Variants in HBM observed in about 807,000 individuals in gnomAD.
HBM encodes the protein alpha globin pseudogene 2.
In HBM, 9 loss-of-function variants were observed where a neutral mutation model predicts 12.8. That is an observed-to-expected ratio of 0.70 (90% CI 0.42 to 1.23). HBM has a LOEUF of 1.23. HBM is among the 50% of genes most tolerant of loss of function. The pLI, the probability that HBM is intolerant of heterozygous loss-of-function variation, is 0.00. For synonymous variants in HBM, 100 were observed against 92.0 expected (o/e 1.09, Z -0.50); for missense variants, 214 against 195.4 (o/e 1.10, Z -0.57).
rs1901914803 is a variant in HBM, at chr16:166,481, T to C, written c.297+9T>C. 1.3e-6 allele frequency: 2 copies of C among 1,554,336 alleles called. No individual in the cohort carries two copies. Among genetic ancestry groups the C allele is most frequent in the East Asian group, 4.8e-5 (2 of 41,886 alleles). ...ACCCAGCCAACTTTCCGGTGAGGCCTTTCCGGCCGGGGCAATGGTGCAGCG... is the reference window on the plus strand; with the variant it reads ...ACCCAGCCAACTTTCCGGTGAGGCCCTTCCGGCCGGGGCAATGGTGCAGCG... On this transcript the variant is annotated intron_variant, in intron 2 of 2. Coordinates refer to ENST00000356815, the MANE Select transcript of HBM (RefSeq NM_001003938.4).
rs765051419 is a variant in HBM at position 166,021 on chromosome 16, C to A, written c.24C>A (p.Ala8=). 6.9e-6 allele frequency: 11 copies of A among 1,594,806 alleles called. No individual in the cohort carries two copies. The highest frequency in any genetic ancestry group is 9.4e-6 in the Non-Finnish European group (11 of 1,175,038). The stretch of plus-strand genomic sequence containing the variant: ...CCATGCTCAGCGCCCAGGAGCGCGC[C>A]CAAATCGCGCAGGTCTGGGACCTGA... MLSAQER[A]QIAQVWDLIA... Residue 8 remains alanine (A), a synonymous_variant, in exon 1 of 3, where the codon GCC becomes GCA. Coordinates refer to ENST00000356815, the MANE Select transcript of HBM (RefSeq NM_001003938.4).
At position 166,027 on chromosome 16, in the gene HBM, C is replaced by A; in HGVS notation, c.30C>A (p.Ile10=). The A allele has an allele frequency of 3.1e-6, 5 of 1,597,808 alleles. No homozygotes were observed. The highest frequency in any genetic ancestry group is 4.3e-6 in the Non-Finnish European group (5 of 1,175,936). ...TCAGCGCCCAGGAGCGCGCCCAAAT[C>A]GCGCAGGTCTGGGACCTGATTGCGG... The part of the protein sequence containing the change: MLSAQERAQ[I]AQVWDLIAGH... The change falls in exon 1 of 3, where the codon ATC becomes ATA. Residue 10 remains isoleucine, a synonymous_variant. Transcript: ENST00000356815.
rs1274909056 is a variant in HBM, at chr16:166,388, G to A, written c.213G>A (p.Gln71=). ...RMLAAVGAAV[Q]HVDNLRAALS... ...TGGCGGCTGTGGGCGCGGCGGTGCAGCACGTGGACAACCTGCGCGCCGCGC... is the reference window on the plus strand; with the variant it reads ...TGGCGGCTGTGGGCGCGGCGGTGCAACACGTGGACAACCTGCGCGCCGCGC... Residue 71 remains glutamine, a synonymous_variant, in exon 2 of 3, where the codon CAG becomes CAA. Coordinates refer to ENST00000356815, the MANE Select transcript of HBM (RefSeq NM_001003938.4). 2 of 1,572,658 alleles carry A rather than the reference G, an allele frequency of 1.3e-6. No individual in the cohort carries two copies. Among genetic ancestry groups the A allele is most frequent in the Non-Finnish European group, 1.7e-6 (2 of 1,167,556 alleles).
chr16:166,051 G>A lies in HBM; in HGVS notation c.54G>A (p.Ala18=), dbSNP rs750282392. 10 of 1,602,470 alleles carry A rather than the reference G, an allele frequency of 6.2e-6. No homozygotes were observed. The highest frequency in any genetic ancestry group is 1.7e-4 in the Middle Eastern group (1 of 6,054). The change falls in exon 1 of 3, where the codon GCG becomes GCA. Residue 18 remains alanine (A), a synonymous_variant. Coordinates refer to ENST00000356815, the MANE Select transcript of HBM (RefSeq NM_001003938.4). The part of the protein sequence containing the change: ...AQIAQVWDLI[A]GHEAQFGAEL... ...TCGCGCAGGTCTGGGACCTGATTGCGGGCCACGAGGCGCAATTCGGGGCGG... is the reference window on the plus strand; with the variant it reads ...TCGCGCAGGTCTGGGACCTGATTGCAGGCCACGAGGCGCAATTCGGGGCGG...
Position 166,608 on chromosome 16 carries a change from T to C in HBM, c.326T>C (p.Leu109Pro). The C allele has an allele frequency of 1.2e-6, 2 of 1,613,996 alleles. No individual in the cohort carries two copies. The highest frequency in any genetic ancestry group is 1.7e-6 in the Non-Finnish European group (2 of 1,179,964). ...PLLIQCFHVV[L>P]ASHLQDEFTV... The stretch of plus-strand genomic sequence containing the variant: ...CTAATCCAGTGTTTCCACGTCGTGC[T>C]GGCCTCCCACCTGCAGGACGAGTTC... The change falls in exon 3 of 3, where the codon CTG becomes CCG. Residue 109 changes from leucine to proline, a missense_variant. By Grantham distance (98) the Leu-to-Pro change is moderately conservative (BLOSUM62 -3). Coordinates refer to ENST00000356815, the MANE Select transcript of HBM (RefSeq NM_001003938.4).
rs775129335 is a variant in HBM at position 166,024 on chromosome 16, A to C, written c.27A>C (p.Gln9His). The change falls in exon 1 of 3, where the codon CAA becomes CAC. Residue 9 changes from glutamine to histidine, a missense_variant. By Grantham distance (24) the Gln-to-His change is conservative (BLOSUM62 0). Coordinates refer to ENST00000356815, the MANE Select transcript of HBM (RefSeq NM_001003938.4). Reference sequence around the variant, plus strand: ...TGCTCAGCGCCCAGGAGCGCGCCCAAATCGCGCAGGTCTGGGACCTGATTG... The same window carrying C: ...TGCTCAGCGCCCAGGAGCGCGCCCACATCGCGCAGGTCTGGGACCTGATTG... MLSAQERA[Q>H]IAQVWDLIAG... is the part of the protein sequence containing the mutation. 1.3e-6 allele frequency: 2 copies of C among 1,596,636 alleles called. No homozygotes were observed. The highest frequency in any genetic ancestry group is 1.7e-6 in the Non-Finnish European group (2 of 1,175,628).
rs2142013919 is a variant in HBM at position 166,008 on chromosome 16, C to T, written c.11C>T (p.Ala4Val). MLS[A>V]QERAQIAQVW... ...ACGTCAGGCGGCGCCATGCTCAGCGCCCAGGAGCGCGCCCAAATCGCGCAG... is the reference window on the plus strand; with the variant it reads ...ACGTCAGGCGGCGCCATGCTCAGCGTCCAGGAGCGCGCCCAAATCGCGCAG... Residue 4 changes from alanine (A) to valine (V), a missense_variant, in exon 1 of 3, where the codon GCC becomes GTC. Ala to Val is a moderately conservative substitution (Grantham distance 64). Coordinates refer to ENST00000356815, the MANE Select transcript of HBM (RefSeq NM_001003938.4). 6.3e-7 allele frequency: 1 copy of T among 1,587,514 alleles called. No individual in the cohort carries two copies. Among genetic ancestry groups the T allele is most frequent in the Non-Finnish European group, 8.5e-7 (1 of 1,172,514 alleles).
In HBM at chr16:166,429, A is replaced by G. The variant is rs1295124923; in HGVS notation, c.254A>G (p.Asp85Gly). The G allele has an allele frequency of 1.3e-6, 2 of 1,550,266 alleles. No homozygotes were observed. The highest frequency in any genetic ancestry group is 1.7e-6 in the Non-Finnish European group (2 of 1,154,490). The change falls in exon 2 of 3, where the codon GAC (aspartate) becomes GGC (glycine). Residue 85 changes from aspartate (D) to glycine (G), a missense_variant. Asp to Gly is a moderately conservative substitution (Grantham distance 94). Transcript: ENST00000356815. The part of the protein sequence containing the change: ...NLRAALSPLA[D>G]LHALVLRVDP... ...CGCGCCGCGCTGAGCCCGCTGGCGG[A>G]CCTGCACGCGCTCGTGCTGCGCGTG...
Position 166,461 on chromosome 16 carries a change from G to A in HBM, c.286G>A (p.Ala96Thr). The change falls in exon 2 of 3, where the codon GCC becomes ACC. Residue 96 changes from alanine (A) to threonine (T), a missense_variant. Ala to Thr is a moderately conservative substitution (Grantham distance 58). Coordinates refer to ENST00000356815, the MANE Select transcript of HBM (RefSeq NM_001003938.4). ...LHALVLRVDP[A>T]NFPLLIQCFH... ...CGCGCTCGTGCTGCGCGTGGACCCA[G>A]CCAACTTTCCGGTGAGGCCTTTCCG... 1 of 1,550,192 alleles carries A rather than the reference G, an allele frequency of 6.5e-7. No homozygotes were observed. Among genetic ancestry groups the A allele is most frequent in the Non-Finnish European group, 8.7e-7 (1 of 1,152,958 alleles).
Position 166,094 on chromosome 16 carries a change from G to C in HBM, c.92+5G>C, listed in dbSNP as rs371375579. 174 of 1,595,662 alleles carry C rather than the reference G, an allele frequency of 1.1e-4. No individual in the cohort carries two copies. The highest frequency in any genetic ancestry group is 3.3e-4 in the Middle Eastern group (2 of 6,048). ...CGGGGCGGAGCTGCTGCTCAGGTCG[G>C]TAGAGGCGGGGTCTCCGGGAGCTCA... On this transcript the variant is annotated splice_donor_5th_base_variant and intron_variant, in intron 1 of 2. Coordinates refer to ENST00000356815, the MANE Select transcript of HBM (RefSeq NM_001003938.4).
chr16:166,525 GC>G (rs1901916261), intron 2 of HBM, 53 bp downstream of exon 2: 1 of 1,585,752 alleles, frequency 6.3e-7, no homozygotes, highest in African/African-American at 1.3e-5. Flanking sequence ...GGGTGGGGGG[GC>G]TCTGGGGGTC....
chr16:166,316 C>T lies in HBM; in HGVS notation c.141C>T (p.Ser47=), dbSNP rs753616222. The T allele has an allele frequency of 1.9e-6, 3 of 1,595,334 alleles. No homozygotes were observed. The highest frequency in any genetic ancestry group is 4.5e-5 in the East Asian group (2 of 44,646). The change falls in exon 2 of 3, where the codon AGC becomes AGT. Residue 47 remains serine (S), a synonymous_variant. Transcript: ENST00000356815. The stretch of plus-strand genomic sequence containing the variant: ...CCAAGGTCTACTTCCCGCACCTGAG[C>T]GCCTGCCAGGACGCGACGCAGCTGC... ...PSTKVYFPHL[S]ACQDATQLLS...
intron 2 of HBM, 33 bp downstream of exon 2, chr16:166,505 C>A: frequency 2.6e-6 from 4 of 1,555,552 alleles, no homozygotes; most frequent in Non-Finnish European, 3.5e-6. Context: ...AATGGTGCAG[C>A]GCGCAGCCGG....
Position 166,672 on chromosome 16 carries a change from T to A in HBM, c.390T>A (p.Thr130=), listed in dbSNP as rs1235571537. The change falls in exon 3 of 3, where the codon ACT becomes ACA. Residue 130 remains threonine, a synonymous_variant. Coordinates refer to ENST00000356815, the MANE Select transcript of HBM (RefSeq NM_001003938.4). ...AAGCGGCGTGGGACAAGTTCCTGAC[T>A]GGTGTGGCCGTGGTGCTGACCGAAA... ...QMQAAWDKFL[T]GVAVVLTEKY... The A allele has an allele frequency of 6.2e-7, 1 of 1,614,044 alleles. No individual in the cohort carries two copies. The highest frequency in any genetic ancestry group is 8.5e-7 in the Non-Finnish European group (1 of 1,180,020).
In HBM at chr16:166,287, AG is replaced by A. The variant is rs1901909759; in HGVS notation, c.113del (p.Ser38ThrfsTer9). The A allele has an allele frequency of 6.3e-7, 1 of 1,595,502 alleles. No homozygotes were observed. Among genetic ancestry groups the A allele is most frequent in the Non-Finnish European group, 8.5e-7 (1 of 1,178,676 alleles). ...CTGCAGGCTCTTCACGGTGTACCCCAGCACCAAGGTCTACTTCCCGCACCTG... is the reference window on the plus strand; with the variant it reads ...CTGCAGGCTCTTCACGGTGTACCCCACACCAAGGTCTACTTCCCGCACCTG... ...LLLRLFTVYP[S>X]TKVYFPHLSA... On this transcript the variant is annotated frameshift_variant, in exon 2 of 3. Coordinates refer to ENST00000356815, the MANE Select transcript of HBM (RefSeq NM_001003938.4). LOFTEE classifies it high-confidence loss of function.
Position 166,075 on chromosome 16 carries a change from G to A in HBM, c.78G>A (p.Ala26=). The A allele has an allele frequency of 1.2e-6, 2 of 1,603,196 alleles. No homozygotes were observed. The highest frequency in any genetic ancestry group is 1.7e-6 in the Non-Finnish European group (2 of 1,175,532). ...LIAGHEAQFG[A]ELLLRLFTVY... ...CGGGCCACGAGGCGCAATTCGGGGC[G>A]GAGCTGCTGCTCAGGTCGGTAGAGG... Residue 26 remains alanine (A), a synonymous_variant, in exon 1 of 3, where the codon GCG becomes GCA. Coordinates refer to ENST00000356815, the MANE Select transcript of HBM (RefSeq NM_001003938.4).
At chr16:166,542 C>A (rs781140892) in intron 2 of HBM, 38 bp from the exon 3 acceptor site, 4 of 1,603,462 alleles carry the variant, frequency 2.5e-6, no homozygotes, top group East Asian at 2.3e-5. Context: ...GGGTCCCTAG[C>A]GGGGCAGACC....
intron 2 of HBM, 23 bp from the exon 3 acceptor site, chr16:166,557 C>T: frequency 1.2e-6 from 2 of 1,609,774 alleles, no homozygotes; most frequent in African/African-American, 1.3e-5. Context: ...CAGACCCCGT[C>T]TCACCGGCCC....
chr16:166,062 C>T lies in HBM; in HGVS notation c.65C>T (p.Ala22Val). ...TGGGACCTGATTGCGGGCCACGAGG[C>T]GCAATTCGGGGCGGAGCTGCTGCTC... Reference protein sequence around the residue: ...QVWDLIAGHEAQFGAELLLRL... With the variant: ...QVWDLIAGHEVQFGAELLLRL... The change falls in exon 1 of 3, where the codon GCG becomes GTG. Residue 22 changes from alanine to valine, a missense_variant. Coordinates refer to ENST00000356815, the MANE Select transcript of HBM (RefSeq NM_001003938.4). The T allele has an allele frequency of 6.2e-7, 1 of 1,603,608 alleles. No individual in the cohort carries two copies.
Sources: allele counts gnomAD v4.1 joint callset, GRCh38; gene constraint gnomAD v4.1.1; transcripts MANE v1.5; gene names NCBI Gene and HGNC (gene_info 2026-07-23, HGNC 2026-07-21).